Variants in UCHL1 observed in about 807,000 individuals in gnomAD.
The protein encoded by UCHL1 is ubiquitin carboxyl-terminal hydrolase isozyme L1.
UCHL1 carries 5 observed loss-of-function variants against 33.3 expected under a neutral mutation model. The ratio of observed to expected loss-of-function variants is 0.15; its 90% CI spans 0.08 to 0.32. The LOEUF (loss-of-function observed/expected upper bound fraction) is 0.32. Among genes scored for constraint, UCHL1 ranks in the 10% least tolerant of loss-of-function variants. The pLI is 1.00. For missense variants in UCHL1, 236 were observed against 280.0 expected (o/e 0.84, Z 1.12); for synonymous variants, 132 against 108.8 (o/e 1.21, Z -1.33).
At chr4:41,261,957 T>TG (rs1781075892) in intron 6 of UCHL1, 34 bp downstream of exon 6, 1 of 1,611,636 alleles carries the variant, frequency 6.2e-7, no homozygotes, top group East Asian at 2.2e-5. Flanking sequence ...CCAGGCTGCC[T>TG]GGGTGCCATC....
chr4:41,258,994 A>G (rs1781028347), intron 3 of UCHL1, among the ~76,000 whole-genome samples: 1 of 152,222 alleles, frequency 6.6e-6, no homozygotes, highest in Non-Finnish European at 1.5e-5. Flanking sequence ...AGCAGCATTC[A>G]GAGGCAAGGC....
In UCHL1 at chr4:41,258,038, C is replaced by T. The variant is rs576119517; in HGVS notation, c.174+301C>T. 1.1e-4 allele frequency among the ~76,000 whole-genome samples: 16 copies of T among 152,348 alleles called. No homozygotes were observed. In the South Asian group the frequency reaches 2.9e-3, roughly 28 times the overall value. On this transcript the variant is annotated intron_variant, in intron 3 of 8. Coordinates refer to ENST00000284440, the MANE Select transcript of UCHL1 (RefSeq NM_004181.5). ...CATCCTACTCATGAGTTCCCTCGAACTTGGGCTTTTTCGAGCCTCCGGTTC... is the reference window on the plus strand; with the variant it reads ...CATCCTACTCATGAGTTCCCTCGAATTTGGGCTTTTTCGAGCCTCCGGTTC...
chr4:41,268,217 C>G lies in UCHL1; in HGVS notation c.*144C>G, dbSNP rs1392364524. The G allele has an allele frequency of 1.3e-6, 1 of 779,510 alleles. No individual in the cohort carries two copies. Among genetic ancestry groups the G allele is most frequent in the Non-Finnish European group, 2.2e-6 (1 of 462,048 alleles). The allele number at this position is 779,510 out of a possible 1,614,324, so 48.3% of individuals were successfully genotyped here. A position where few individuals can be genotyped will look rare whatever the true frequency, so the allele number is the denominator to read the frequency against. ...CAGACACGCCTTCCCCTCAGCCACA[C>G]CCAGGCACTTAAGCACAAGCAGAGT... On this transcript the variant is annotated 3_prime_UTR_variant, in exon 9 of 9. Coordinates refer to ENST00000284440, the MANE Select transcript of UCHL1 (RefSeq NM_004181.5).
chr4:41,257,129 G>C lies in UCHL1; in HGVS notation c.45+3G>C. ...TTGCCTTTCAGATGCTGAACAAAGT[G>C]AGTGGCGTCTCGCGCCGTCTCTGGC... is the stretch of plus-strand genomic sequence containing the variant. On this transcript the variant is annotated splice_donor_region_variant and intron_variant, in intron 2 of 8. Transcript: ENST00000284440. 1 of 1,612,978 alleles carries C rather than the reference G, an allele frequency of 6.2e-7. No homozygotes were observed. The highest frequency in any genetic ancestry group is 8.5e-7 in the Non-Finnish European group (1 of 1,179,910).
chr4:41,259,164 A>C (rs1324324009), intron 3 of UCHL1, among the ~76,000 whole-genome samples: 1 of 152,240 alleles, frequency 6.6e-6, no homozygotes, highest in Non-Finnish European at 1.5e-5. Flanking sequence ...TCGAGCGCCT[A>C]TTCTGCTACA....
intron 8 of UCHL1, chr4:41,264,480 T>A: frequency 2.3e-6 from 1 of 425,660 alleles, no homozygotes; most frequent in South Asian, 2.2e-5. Context: ...GATTACATCA[T>A]AGCTAAAGAC....
intron 6 of UCHL1, 43 bp downstream of exon 6, chr4:41,261,966 T>C (rs1477786579): frequency 6.2e-7 from 1 of 1,608,318 alleles, no homozygotes; most frequent in Non-Finnish European, 8.5e-7. Flanking sequence ...CTGGGTGCCA[T>C]CTGTGTTTCT....
intron 6 of UCHL1, among the ~76,000 whole-genome samples, chr4:41,262,415 C>T (rs780826608): frequency 2.0e-5 from 3 of 152,096 alleles, no homozygotes; most frequent in Non-Finnish European, 4.4e-5. Context: ...CGCTGCACTC[C>T]GGTCTGGGTG....
chr4:41,260,879 G>C, intron 4 of UCHL1, 82 bp downstream of exon 4: 1 of 1,593,518 alleles, frequency 6.3e-7, no homozygotes, highest in Non-Finnish European at 8.6e-7. Flanking sequence ...CCCGAGGTCA[G>C]AGATGCTGTA....
At position 41,261,726 on chromosome 4, in the gene UCHL1, GTTCTGAAACAGTTTCT is replaced by G. The variant is rs1781070341; in HGVS notation, c.349_364del (p.Phe117ArgfsTer33). 1 of 1,612,418 alleles carries G rather than the reference GTTCTGAAACAGTTTCT, an allele frequency of 6.2e-7. No individual in the cohort carries two copies. Among genetic ancestry groups the G allele is most frequent in the East Asian group, 2.2e-5 (1 of 44,860 alleles). ...ATTTTTTTTTTAAGAGGATGGATCAGTTCTGAAACAGTTTCTTTCTGAAACAGAGAAAATGTCCCCT... is the reference window on the plus strand; with the variant it reads ...ATTTTTTTTTTAAGAGGATGGATCAGTTCTGAAACAGAGAAAATGTCCCCT... On this transcript the variant is annotated frameshift_variant, in exon 5 of 9. Coordinates refer to ENST00000284440, the MANE Select transcript of UCHL1 (RefSeq NM_004181.5). LOFTEE classifies it high-confidence loss of function.
At chr4:41,262,950 A>G (rs1274308687) in intron 6 of UCHL1, among the ~76,000 whole-genome samples, 1 of 151,682 alleles carries the variant, frequency 6.6e-6, no homozygotes, top group African/African-American at 2.4e-5. Context: ...GCCACTTTCT[A>G]GCATTGACCT....
chr4:41,257,137 T>G lies in UCHL1; in HGVS notation c.45+11T>G. 3.1e-6 allele frequency: 5 copies of G among 1,612,306 alleles called. No individual in the cohort carries two copies. The highest frequency in any genetic ancestry group is 4.2e-6 in the Non-Finnish European group (5 of 1,179,838). On this transcript the variant is annotated intron_variant, in intron 2 of 8. Coordinates refer to ENST00000284440, the MANE Select transcript of UCHL1 (RefSeq NM_004181.5). ...CAGATGCTGAACAAAGTGAGTGGCGTCTCGCGCCGTCTCTGGCCCCCTCCC... is the reference window on the plus strand; with the variant it reads ...CAGATGCTGAACAAAGTGAGTGGCGGCTCGCGCCGTCTCTGGCCCCCTCCC...
intron 7 of UCHL1, 152 bp downstream of exon 7, chr4:41,263,443 C>T (rs1561081744): frequency 1.3e-6 from 1 of 794,598 alleles, no homozygotes; most frequent in Non-Finnish European, 2.1e-6. Flanking sequence ...GCACTTAACC[C>T]CTTATCATCC....
rs1462730395 is a variant in UCHL1, at chr4:41,268,087, G to A, written c.*14G>A. On this transcript the variant is annotated 3_prime_UTR_variant, in exon 9 of 9. Transcript: ENST00000284440. The stretch of plus-strand genomic sequence containing the variant: ...AAGGCAGCCTAATGCTCTGTGGGAG[G>A]GACTTTGCTGATTTCCCCTCTTCCC... 6.2e-7 allele frequency: 1 copy of A among 1,610,506 alleles called. No homozygotes were observed. The highest frequency in any genetic ancestry group is 1.3e-5 in the African/African-American group (1 of 74,840).
chr4:41,264,028 TC>T lies in UCHL1; in HGVS notation c.527-73del, dbSNP rs878978252. ...GTGGTTTTTGGAAGAATCTAAAACTTCCATCTAGGCTAGGTAAGCACGGTAG... is the reference window on the plus strand; with the variant it reads ...GTGGTTTTTGGAAGAATCTAAAACTTCATCTAGGCTAGGTAAGCACGGTAG... On this transcript the variant is annotated intron_variant, in intron 7 of 8. Coordinates refer to ENST00000284440, the MANE Select transcript of UCHL1 (RefSeq NM_004181.5). The T allele has an allele frequency of 3.1e-6, 5 of 1,596,716 alleles. No individual in the cohort carries two copies. In the South Asian group the frequency reaches 5.5e-5, roughly 18 times the overall value.
At chr4:41,257,262 T>C in intron 2 of UCHL1, 136 bp downstream of exon 2, 2 of 1,389,068 alleles carry the variant, frequency 1.4e-6, no homozygotes, top group Non-Finnish European at 1.9e-6. Flanking sequence ...GGGCGTGGGC[T>C]GGGCGCCTTT....
chr4:41,257,402 TG>T lies in UCHL1; in HGVS notation c.46-206del. ...GTGGCGCGGGCAGCACAGACTCGGC[TG>T]CACGGGCTTCGCGGGCGCCACGTGT... is the stretch of plus-strand genomic sequence containing the variant. On this transcript the variant is annotated intron_variant, in intron 2 of 8. Transcript: ENST00000284440. 4 of 889,762 alleles carry T rather than the reference TG, an allele frequency of 4.5e-6. No individual in the cohort carries two copies. In the South Asian group the frequency reaches 7.9e-5, roughly 18 times the overall value. 55.1% of individuals were successfully genotyped at this position (889,762 alleles called of 1,614,324 possible).
At chr4:41,263,861 C>T (rs1781112224) in intron 7 of UCHL1, among the ~76,000 whole-genome samples, 1 of 152,196 alleles carries the variant, frequency 6.6e-6, no homozygotes, top group South Asian at 2.1e-4. Flanking sequence ...GGGCACAGGC[C>T]CCTCTATTAG....
chr4:41,260,863 T>G (rs1781058723), intron 4 of UCHL1, 66 bp downstream of exon 4: 2 of 1,610,900 alleles, frequency 1.2e-6, no homozygotes, highest in Non-Finnish European at 1.7e-6. Context: ...CAGAAACAGC[T>G]GTTTTCCCGA....
Sources: allele counts gnomAD v4.1 joint callset (sites outside exome capture counted in the v4.1 genomes callset), GRCh38; gene constraint gnomAD v4.1.1; transcripts MANE v1.5; gene names NCBI Gene and HGNC (gene_info 2026-07-23, HGNC 2026-07-21).